Variants in DIP2C observed in about 807,000 individuals in gnomAD.
The protein encoded by DIP2C is DIP2 acetate--CoA ligase C (putative), also known as disco-interacting protein 2 homolog C.
DIP2C carries 33 observed loss-of-function variants against 192.4 expected under a neutral mutation model. The ratio of observed to expected loss-of-function variants is 0.17; its 90% CI spans 0.13 to 0.23. The LOEUF (loss-of-function observed/expected upper bound fraction) is 0.23, where lower values mean the gene tolerates loss of function less well. Among genes scored for constraint, DIP2C ranks in the 10% least tolerant of loss-of-function variants. The pLI is 1.00. For missense variants in DIP2C, 1,537 were observed against 2,110.1 expected, an observed-to-expected ratio of 0.73 and a Z score of 5.32; for synonymous variants, 979 against 864.1, an observed-to-expected ratio of 1.13 and a Z score of -2.33.
intron 4 of DIP2C, among the ~76,000 whole-genome samples, chr10:433,958 T>A (rs539613483): frequency 8.5e-5 from 13 of 152,178 alleles, no homozygotes; most frequent in Non-Finnish European, 1.9e-4. Context: ...TCCTTTCTTA[T>A]CATATCAGTT....
chr10:455,054 A>G (rs919192421), intron 3 of DIP2C, among the ~76,000 whole-genome samples: 2 of 152,202 alleles, frequency 1.3e-5, no homozygotes, highest in Admixed American at 6.5e-5. Context: ...CTGCTGTCCA[A>G]TGGCAAAGAC....
intron 34 of DIP2C, among the ~76,000 whole-genome samples, chr10:284,949 G>A (rs956992217): frequency 1.3e-5 from 2 of 152,146 alleles, no homozygotes; most frequent in African/African-American, 4.8e-5. Context: ...CCCTCAGAGG[G>A]AAGAGAATTC....
intron 1 of DIP2C, among the ~76,000 whole-genome samples, chr10:545,970 A>C (rs935255270): frequency 3.9e-5 from 6 of 152,198 alleles, no homozygotes; most frequent in African/African-American, 1.2e-4. Flanking sequence ...CAGTTTATTA[A>C]AGATCACAAA....
At position 689,630 on chromosome 10, in the gene DIP2C, G is replaced by C. The variant is rs988367715; in HGVS notation, c.-52C>G. ...GCCTCCTCTTTGTTCGCAGGCGGAGGTCTCGGCGGCTCCTCGCGCCCGGCG... is the reference window on the plus strand; with the variant it reads ...GCCTCCTCTTTGTTCGCAGGCGGAGCTCTCGGCGGCTCCTCGCGCCCGGCG... On this transcript the variant is annotated 5_prime_UTR_variant, in exon 1 of 37. Coordinates refer to ENST00000280886, the MANE Select transcript of DIP2C (RefSeq NM_014974.3). This position sits in a 1 kb window ranked among gnomAD's most constrained non-coding sequence, Gnocchi z 6.1. 1 of 1,064,020 alleles carries C rather than the reference G, an allele frequency of 9.4e-7. No individual in the cohort carries two copies. The highest frequency in any genetic ancestry group is 1.1e-6 in the Non-Finnish European group (1 of 878,420). The allele number at this position is 1,064,020 out of a possible 1,614,324, so 65.9% of individuals were successfully genotyped here. A position where few individuals can be genotyped will look rare whatever the true frequency, so the allele number is the denominator to read the frequency against.
At position 572,090 on chromosome 10, in the gene DIP2C, G is replaced by A. The variant is rs897669943; in HGVS notation, c.86-85560C>T. Among the ~76,000 whole-genome samples, 3 of 152,240 alleles carry A rather than the reference G, an allele frequency of 2.0e-5. No homozygotes were observed. In the East Asian group the frequency reaches 5.8e-4, roughly 29 times the overall value. ...CTGAAAGGAGACCCTTCTCGGGATT[G>A]AGTGACAGCCTTCGATCACGGTTAT... On this transcript the variant is annotated intron_variant, in intron 1 of 36. Transcript: ENST00000280886.
At chr10:380,022 C>T (rs979025027) in intron 17 of DIP2C, among the ~76,000 whole-genome samples, 6 of 151,866 alleles carry the variant, frequency 4.0e-5, no homozygotes, top group East Asian at 1.9e-4. Flanking sequence ...TGATGGTTAA[C>T]GCACAGAAGA....
Position 650,565 on chromosome 10 carries a change from G to A in DIP2C, c.85+38929C>T, listed in dbSNP as rs905511609. The A allele has an allele frequency of 1.3e-5, 8 of 636,564 alleles. No individual in the cohort carries two copies. The African/African-American group carries it at 1.3e-4, about 10-fold the overall frequency. The allele number at this position is 636,564 out of a possible 1,614,324, so 39.4% of individuals were successfully genotyped here. On this transcript the variant is annotated intron_variant, in intron 1 of 36. Transcript: ENST00000280886. ...CGTGTCCCTGAGAATGGGATGCAGA[G>A]CCAGGAGGGACGTGGGCCCCTTCAG... is the stretch of plus-strand genomic sequence containing the variant.
At chr10:449,972 T>C (rs1258201991) in intron 3 of DIP2C, among the ~76,000 whole-genome samples, 3 of 151,256 alleles carry the variant, frequency 2.0e-5, no homozygotes, top group Admixed American at 2.0e-4. Context: ...GTGAGATTGT[T>C]ATCTCCAGGA....
At chr10:531,508 C>CAT (rs550550237) in intron 1 of DIP2C, among the ~76,000 whole-genome samples, 105 of 152,262 alleles carry the variant, frequency 6.9e-4, no homozygotes, top group Non-Finnish European at 1.2e-3. Flanking sequence ...ATCGAGGTAT[C>CAT]ATACGTGCCG....
At chr10:369,727 C>G in intron 17 of DIP2C, 94 bp from the exon 18 acceptor site, 2 of 1,598,054 alleles carry the variant, frequency 1.3e-6, no homozygotes, top group South Asian at 2.2e-5. Flanking sequence ...GGCTGGGCAC[C>G]TCTGGGCACA....
At chr10:598,543 C>T (rs1851858248) in intron 1 of DIP2C, among the ~76,000 whole-genome samples, 1 of 151,990 alleles carries the variant, frequency 6.6e-6, no homozygotes, top group Admixed American at 6.5e-5. Flanking sequence ...AGCCTGGCTC[C>T]TCCCCCCACA....
chr10:680,581 C>T (rs1460916882), intron 1 of DIP2C, among the ~76,000 whole-genome samples: 1 of 152,226 alleles, frequency 6.6e-6, no homozygotes. Context: ...GTTTTCATTT[C>T]AGGTAAACTG....
chr10:385,763 G>A (rs1362794915), intron 14 of DIP2C, among the ~76,000 whole-genome samples: 1 of 152,148 alleles, frequency 6.6e-6, no homozygotes, highest in Non-Finnish European at 1.5e-5. Context: ...TGTGTGGCGG[G>A]CTAGGATTCT....
At chr10:556,495 C>G (rs77671917) in intron 1 of DIP2C, among the ~76,000 whole-genome samples, 2 of 150,214 alleles carry the variant, frequency 1.3e-5, no homozygotes, top group East Asian at 4.0e-4. Flanking sequence ...GGCCACCTGA[C>G]TCTACCAGGA....
chr10:301,815 G>T (rs1956065254), intron 32 of DIP2C, among the ~76,000 whole-genome samples: 1 of 152,226 alleles, frequency 6.6e-6, no homozygotes, highest in South Asian at 2.1e-4. Flanking sequence ...GGGATGTCTG[G>T]AGAGTCGGGA....
chr10:664,517 A>G (rs1416656863), intron 1 of DIP2C: 1 of 152,222 alleles, frequency 6.6e-6, no homozygotes, highest in East Asian at 1.9e-4. Context: ...TTAATAAATC[A>G]TCCAATAAAA....
intron 1 of DIP2C, among the ~76,000 whole-genome samples, chr10:584,881 T>G (rs1273713660): frequency 3.2e-5 from 4 of 123,556 alleles, no homozygotes; most frequent in Non-Finnish European, 6.4e-5. Context: ...TGACCCCCAC[T>G]CATGCGCATC....
intron 1 of DIP2C, among the ~76,000 whole-genome samples, chr10:524,011 A>G (rs1032332678): frequency 1.2e-4 from 18 of 152,176 alleles, no homozygotes; most frequent in African/African-American, 4.1e-4. Context: ...GGGGCTTCCC[A>G]TAAGCACTCC....
chr10:351,927 G>A (rs1474060598), intron 24 of DIP2C, among the ~76,000 whole-genome samples: 4 of 152,116 alleles, frequency 2.6e-5, no homozygotes, highest in Non-Finnish European at 5.9e-5. Context: ...CGACTCCAGG[G>A]GCAGGTCTCC....
Sources: allele counts gnomAD v4.1 joint callset (sites outside exome capture counted in the v4.1 genomes callset), GRCh38; gene constraint gnomAD v4.1.1; non-coding constraint Gnocchi (gnomAD v3.1); transcripts MANE v1.5; gene names NCBI Gene and HGNC (gene_info 2026-07-23, HGNC 2026-07-21).